PDE8A: variants seen among roughly 807,000 people sequenced by gnomAD.
PDE8A encodes high affinity cAMP-specific and IBMX-insensitive 3',5'-cyclic phosphodiesterase 8A.
In PDE8A, 59 loss-of-function variants were observed where a neutral mutation model predicts 105.0. The ratio of observed to expected loss-of-function variants is 0.56; its 90% CI spans 0.46 to 0.70. PDE8A has a LOEUF of 0.70. Among genes scored for constraint, PDE8A ranks in the 30% least tolerant of loss-of-function variants. The pLI, the probability that PDE8A is intolerant of heterozygous loss-of-function variation, is 0.00. For synonymous variants in PDE8A, 355 were observed against 371.9 expected, an observed-to-expected ratio of 0.95 and a Z score of 0.52; for missense variants, 1,014 against 1,045.9, an observed-to-expected ratio of 0.97 and a Z score of 0.42.
intron 21 of PDE8A, among the ~76,000 whole-genome samples, chr15:85,137,057 T>C (rs965214205): frequency 1.3e-5 from 2 of 152,208 alleles, no homozygotes; most frequent in African/African-American, 4.8e-5. Context: ...GACTGATGCA[T>C]GTCACCCTCC....
chr15:85,123,853 T>G (rs1483077582), intron 19 of PDE8A, among the ~76,000 whole-genome samples: 1 of 152,204 alleles, frequency 6.6e-6, no homozygotes, highest in Non-Finnish European at 1.5e-5. Flanking sequence ...CACATCCAAC[T>G]AGATGGGAAA....
intron 5 of PDE8A, among the ~76,000 whole-genome samples, chr15:85,079,314 C>T (rs1488105305): frequency 6.6e-6 from 1 of 152,152 alleles, no homozygotes; most frequent in African/African-American, 2.4e-5. Context: ...TTCTTACAGA[C>T]TTATCTAAGA....
intron 1 of PDE8A, among the ~76,000 whole-genome samples, chr15:85,011,868 C>A (rs1017812075): frequency 2.6e-5 from 4 of 152,084 alleles, no homozygotes; most frequent in African/African-American, 9.7e-5. Flanking sequence ...ACAAACAACC[C>A]CATCAAAAAG....
chr15:85,097,972 A>C lies in PDE8A; in HGVS notation c.877A>C (p.Lys293Gln). ...GKEWQGIYYAKKKNGDNIQQN... is the reference protein window; with the variant it reads ...GKEWQGIYYAQKKNGDNIQQN... ...GGAGTGGCAAGGAATTTACTATGCC[A>C]AAAAGAAAAACGGAGATAATATACA... The change falls in exon 9 of 22, where the codon AAA (lysine) becomes CAA (glutamine). Residue 293 changes from lysine (K) to glutamine (Q), a missense_variant. Physicochemically the swap from Lys to Gln is moderately conservative, Grantham distance 53. Coordinates refer to ENST00000394553, the MANE Select transcript of PDE8A (RefSeq NM_002605.3). The C allele has an allele frequency of 6.3e-7, 1 of 1,595,484 alleles. No individual in the cohort carries two copies. The highest frequency in any genetic ancestry group is 8.6e-7 in the Non-Finnish European group (1 of 1,163,188).
chr15:85,031,735 T>C (rs1468697188), intron 1 of PDE8A, among the ~76,000 whole-genome samples: 1 of 152,196 alleles, frequency 6.6e-6, no homozygotes, highest in African/African-American at 2.4e-5. Flanking sequence ...TGTTCTGTGG[T>C]ACATAGTAAA....
intron 1 of PDE8A, among the ~76,000 whole-genome samples, chr15:85,008,408 ATC>A (rs2080183509): frequency 6.6e-6 from 1 of 151,906 alleles, no homozygotes; most frequent in South Asian, 2.1e-4. Flanking sequence ...CCTTAGCTAT[ATC>A]TGCTTCCCCT....
At chr15:85,097,794 A>G in intron 8 of PDE8A, 154 bp from the exon 9 acceptor site, 4 of 598,170 alleles carry the variant, frequency 6.7e-6, no homozygotes, top group Admixed American at 3.1e-5. Context: ...AAGTTAAGAA[A>G]GAATTGTCCT....
At chr15:85,083,669 C>CAATT in intron 6 of PDE8A, 25 bp downstream of exon 6, 2 of 1,473,496 alleles carry the variant, frequency 1.4e-6, no homozygotes, top group Non-Finnish European at 1.9e-6. Context: ...TCTGGAAAGC[C>CAATT]CTCCAGGCCA....
chr15:85,013,157 G>A (rs1318693422), intron 1 of PDE8A, among the ~76,000 whole-genome samples: 1 of 152,206 alleles, frequency 6.6e-6, no homozygotes, highest in African/African-American at 2.4e-5. Context: ...GAGATGTTTT[G>A]TAAGGGATGG....
Position 85,083,538 on chromosome 15 carries a change from T to A in PDE8A, c.547-18T>A. 1 of 1,510,998 alleles carries A rather than the reference T, an allele frequency of 6.6e-7. No homozygotes were observed. The highest frequency in any genetic ancestry group is 9.2e-7 in the Non-Finnish European group (1 of 1,087,516). 93.6% of individuals were successfully genotyped at this position (1,510,998 alleles called of 1,614,324 possible). ...AAGCACTTTTGTTTATCCACAAAATTCCTCTTTCTGTTTGTAGAGGTATGT... is the reference window on the plus strand; with the variant it reads ...AAGCACTTTTGTTTATCCACAAAATACCTCTTTCTGTTTGTAGAGGTATGT... On this transcript the variant is annotated intron_variant, in intron 5 of 21. Coordinates refer to ENST00000394553, the MANE Select transcript of PDE8A (RefSeq NM_002605.3).
At chr15:85,047,100 A>G (rs2080899046) in intron 1 of PDE8A, among the ~76,000 whole-genome samples, 1 of 152,232 alleles carries the variant, frequency 6.6e-6, no homozygotes, top group African/African-American at 2.4e-5. Flanking sequence ...TAAAAATGTC[A>G]GTTGCTTTTA....
chr15:85,021,706 T>A (rs2080429545), intron 1 of PDE8A, among the ~76,000 whole-genome samples: 1 of 152,234 alleles, frequency 6.6e-6, no homozygotes, highest in African/African-American at 2.4e-5. Flanking sequence ...CTCTCTAGTC[T>A]TCAGCCTGAG....
At chr15:85,020,328 G>A (rs932849688) in intron 1 of PDE8A, among the ~76,000 whole-genome samples, 12 of 152,180 alleles carry the variant, frequency 7.9e-5, no homozygotes, top group African/African-American at 2.4e-4. Flanking sequence ...CAAGGGCCCG[G>A]CGCAGTGGCT....
At chr15:85,090,728 G>A in intron 7 of PDE8A, 2 of 445,040 alleles carry the variant, frequency 4.5e-6, no homozygotes, top group Non-Finnish European at 4.5e-6. Flanking sequence ...CCCTGTTGTA[G>A]CAGCTCCTGG....
chr15:85,038,780 A>G (rs1204265436), intron 1 of PDE8A, among the ~76,000 whole-genome samples: 1 of 152,188 alleles, frequency 6.6e-6, no homozygotes, highest in African/African-American at 2.4e-5. Context: ...AAATTAAACC[A>G]TAATGAAATA....
At chr15:85,011,404 T>C (rs537816080) in intron 1 of PDE8A, among the ~76,000 whole-genome samples, 2 of 152,320 alleles carry the variant, frequency 1.3e-5, no homozygotes, top group South Asian at 4.1e-4. Context: ...TTTTGACCTT[T>C]GGCAAGTTTC....
intron 3 of PDE8A, among the ~76,000 whole-genome samples, chr15:85,068,745 C>T (rs778808409): frequency 6.6e-6 from 1 of 152,120 alleles, no homozygotes; most frequent in Non-Finnish European, 1.5e-5. Context: ...TGGCCTCTTT[C>T]CTAGTCTTGT....
At chr15:85,068,594 A>T (rs549820389) in intron 3 of PDE8A, among the ~76,000 whole-genome samples, 13 of 152,232 alleles carry the variant, frequency 8.5e-5, no homozygotes, top group African/African-American at 3.1e-4. Flanking sequence ...GATACCACTC[A>T]GAGGAAGGGA....
intron 1 of PDE8A, among the ~76,000 whole-genome samples, chr15:85,046,415 T>A (rs1000561502): frequency 6.6e-6 from 1 of 152,218 alleles, no homozygotes; most frequent in Middle Eastern, 3.2e-3. Context: ...AGTCCTGTAT[T>A]ACATACATAT....
Sources: allele counts gnomAD v4.1 joint callset (sites outside exome capture counted in the v4.1 genomes callset), GRCh38; gene constraint gnomAD v4.1.1; transcripts MANE v1.5; gene names NCBI Gene and HGNC (gene_info 2026-07-23, HGNC 2026-07-21).